TTC39B: variants seen among roughly 807,000 people sequenced by gnomAD.
The protein encoded by TTC39B is tetratricopeptide repeat domain 39B, also known as tetratricopeptide repeat protein 39B.
Under a neutral mutation model 96.6 loss-of-function variants are expected in TTC39B, and 92 were observed. The observed-to-expected ratio is 0.95, with a 90% CI of 0.80 to 1.13. The LOEUF (loss-of-function observed/expected upper bound fraction) is 1.13, where lower values mean the gene tolerates loss of function less well. Among genes scored for constraint, TTC39B ranks in the 50% most tolerant of loss-of-function variants. The pLI, the probability that TTC39B is intolerant of heterozygous loss-of-function variation, is 0.00. For synonymous variants in TTC39B, 367 were observed against 299.4 expected (o/e 1.23, Z -2.33); for missense variants, 955 against 809.3 (o/e 1.18, Z -2.18).
In TTC39B at chr9:15,265,374, C is replaced by T. The variant is rs137906460; in HGVS notation, c.275+2540G>A. On this transcript the variant is annotated intron_variant, in intron 2 of 19. Transcript: ENST00000512701. ...CCGTCCTCCTCTGTGAGGTCTGCAC[C>T]CCTCTCTGTTGTGTGTGGCATGCTA... Among the ~76,000 whole-genome samples, 816 of 152,194 alleles carry T rather than the reference C, an allele frequency of 5.4e-3. 5 individuals carry two copies. The highest frequency in any genetic ancestry group is 0.019 in the African/African-American group (777 of 41,506).
In TTC39B at chr9:15,190,491, G is replaced by A. The variant is rs1427276291; in HGVS notation, c.1105+63C>T. 2.0e-6 allele frequency: 3 copies of A among 1,475,108 alleles called. No homozygotes were observed. In the Admixed American group the frequency reaches 5.1e-5, roughly 25 times the overall value. The allele number at this position is 1,475,108 out of a possible 1,614,324, so 91.4% of individuals were successfully genotyped here. On this transcript the variant is annotated intron_variant, in intron 11 of 19. Transcript: ENST00000512701. ...CTCCCAAGTAGTTGGGATTACAGGTGTAACACACCATGTCTGGCCAAGACA... is the reference window on the plus strand; with the variant it reads ...CTCCCAAGTAGTTGGGATTACAGGTATAACACACCATGTCTGGCCAAGACA...
exon 12 of TTC39B, chr9:15,189,733 A>G (rs1477837391): frequency 1.2e-6 from 2 of 1,613,860 alleles, no homozygotes; most frequent in African/African-American, 2.7e-5. Flanking sequence ...ACATTTGGAA[A>G]CTGCTGGAGG....
intron 16 of TTC39B, 98 bp from the exon 17 acceptor site, chr9:15,182,513 AG>A: frequency 1.4e-6 from 1 of 729,472 alleles, no homozygotes; most frequent in South Asian, 2.1e-5. Context: ...TTCGGTTTCT[AG>A]GAACCTCAGG....
At chr9:15,252,550 A>T (rs1822602432) in intron 2 of TTC39B, among the ~76,000 whole-genome samples, 2 of 152,140 alleles carry the variant, frequency 1.3e-5, no homozygotes, top group Admixed American at 1.3e-4. Flanking sequence ...TGGGAGGCTG[A>T]GGCAGGAGAA....
At chr9:15,268,326 C>G (rs1823213978) in intron 1 of TTC39B, among the ~76,000 whole-genome samples, 1 of 152,086 alleles carries the variant, frequency 6.6e-6, no homozygotes. Flanking sequence ...CATGGCTAGC[C>G]AAGTGAGCAT....
At chr9:15,169,063 C>T (rs539535637) in exon 20 of TTC39B, 1 of 152,276 alleles carries the variant, frequency 6.6e-6, no homozygotes, top group South Asian at 2.1e-4. Flanking sequence ...AAATGACAGT[C>T]ACATTAGCCC....
chr9:15,279,755 A>G (rs1823683693), intron 1 of TTC39B, among the ~76,000 whole-genome samples: 1 of 151,842 alleles, frequency 6.6e-6, no homozygotes, highest in Non-Finnish European at 1.5e-5. Flanking sequence ...ATCCTAAGTC[A>G]CCTTCTCTGT....
chr9:15,223,008 C>A (rs888061857), intron 3 of TTC39B, among the ~76,000 whole-genome samples: 1 of 152,156 alleles, frequency 6.6e-6, no homozygotes, highest in Middle Eastern at 3.2e-3. Context: ...TTTCCAGGGA[C>A]CTTAACACAG....
intron 1 of TTC39B, among the ~76,000 whole-genome samples, chr9:15,279,894 T>G (rs1823692529): frequency 1.1e-5 from 1 of 90,060 alleles, no homozygotes; most frequent in Non-Finnish European, 2.0e-5. Flanking sequence ...TTTCTTTTCT[T>G]TTTTTTTTTT....
At chr9:15,298,169 T>C (rs934509775) in intron 1 of TTC39B, among the ~76,000 whole-genome samples, 4 of 152,176 alleles carry the variant, frequency 2.6e-5, no homozygotes, top group African/African-American at 7.2e-5. Flanking sequence ...TTCTCCAGCA[T>C]TCGGTCTCCA....
intron 1 of TTC39B, among the ~76,000 whole-genome samples, chr9:15,284,405 A>G (rs1823878882): frequency 6.6e-6 from 1 of 152,232 alleles, no homozygotes; most frequent in Admixed American, 6.5e-5. Context: ...ATTTTCATGT[A>G]CCACGGTTTC....
rs1009229277 is a variant in TTC39B, at chr9:15,212,109, T to C, written c.483-712A>G. ...TCAAAACTTCTTAAGCTGTATTAATTATTTATAAGGTTTAAAATGGTAATG... is the reference window on the plus strand; with the variant it reads ...TCAAAACTTCTTAAGCTGTATTAATCATTTATAAGGTTTAAAATGGTAATG... On this transcript the variant is annotated intron_variant, in intron 4 of 19. Transcript: ENST00000512701. Among the ~76,000 whole-genome samples, 5 of 152,246 alleles carry C rather than the reference T, an allele frequency of 3.3e-5. No individual in the cohort carries two copies. In the East Asian group the frequency reaches 9.6e-4, roughly 29 times the overall value.
intron 2 of TTC39B, among the ~76,000 whole-genome samples, chr9:15,241,294 T>TA (rs544903456): frequency 0.041 from 5,838 of 142,280 alleles, 181 homozygotes; most frequent in African/African-American, 0.091. Flanking sequence ...AATGCAAGGT[T>TA]AAAAAAAAAA....
exon 20 of TTC39B, chr9:15,163,977 T>C (rs1475826702): frequency 6.6e-6 from 1 of 152,190 alleles, no homozygotes; most frequent in Non-Finnish European, 1.5e-5. Context: ...AAGAGAACAC[T>C]CATTGGGAAC....
At chr9:15,187,930 A>G (rs556662429) in intron 14 of TTC39B, 41 bp downstream of exon 14, 2 of 1,528,316 alleles carry the variant, frequency 1.3e-6, no homozygotes, top group South Asian at 1.3e-5. Context: ...CTGGCCATGT[A>G]TTAGCAAACA....
At position 15,234,378 on chromosome 9, in the gene TTC39B, G is replaced by A. The variant is rs868247475; in HGVS notation, c.276-8366C>T. ...AGGTGGGGGGGTCAGCCCCCCGCCC[G>A]GCCAGCTGCCCCATCCAGGAGGGAG... On this transcript the variant is annotated intron_variant, in intron 2 of 19. Coordinates refer to ENST00000512701, the Ensembl canonical transcript of TTC39B. Among the ~76,000 whole-genome samples, 8 of 148,356 alleles carry A rather than the reference G, an allele frequency of 5.4e-5. No individual in the cohort carries two copies. In the East Asian group the frequency reaches 6.2e-4, roughly 11 times the overall value.
At chr9:15,241,635 G>A (rs1822044001) in intron 2 of TTC39B, among the ~76,000 whole-genome samples, 1 of 151,524 alleles carries the variant, frequency 6.6e-6, no homozygotes, top group Admixed American at 6.6e-5. Context: ...ATGAATTTGT[G>A]AACACAACAG....
chr9:15,190,489 G>T, intron 11 of TTC39B, 65 bp downstream of exon 11: 1 of 1,447,604 alleles, frequency 6.9e-7, no homozygotes, highest in East Asian at 2.3e-5. Flanking sequence ...GGGATTACAG[G>T]TGTAACACAC....
intron 7 of TTC39B, among the ~76,000 whole-genome samples, chr9:15,201,412 G>GGAGGGAGCCATGCACGGA (rs1277479043): frequency 6.6e-6 from 1 of 152,052 alleles, no homozygotes; most frequent in African/African-American, 2.4e-5. Flanking sequence ...CCATGCACGG[G>GGAGGGAGCCATGCACGGA]GACGGGATCA....
Sources: gnomAD v4.1 joint callset for allele counts (sites outside exome capture counted in the v4.1 genomes callset) on GRCh38, gnomAD v4.1.1 for gene constraint, MANE v1.5 for transcripts, NCBI Gene and HGNC (gene_info 2026-07-23, HGNC 2026-07-21) for gene names.